The following TDG variants were observed in gnomAD, a reference collection of about 807,000 sequenced individuals.
TDG encodes the protein G/T mismatch-specific thymine DNA glycosylase.
A neutral mutation model predicts 46.1 loss-of-function variants in TDG; 23 were observed. That is an observed-to-expected ratio of 0.50 (90% CI 0.36 to 0.71). The LOEUF (loss-of-function observed/expected upper bound fraction) is 0.71. Among genes scored for constraint, TDG ranks in the 30% least tolerant of loss-of-function variants. The pLI is 0.00. For synonymous variants in TDG, 115 were observed against 161.3 expected, an observed-to-expected ratio of 0.71 and a Z score of 2.18; for missense variants, 304 against 486.7, an observed-to-expected ratio of 0.62 and a Z score of 3.53.
rs181377876 is a variant in TDG at position 103,984,163 on chromosome 12, T to G, written c.793-586T>G. On this transcript the variant is annotated intron_variant, in intron 7 of 9. Coordinates refer to ENST00000392872, the MANE Select transcript of TDG (RefSeq NM_003211.6). ...TCATAATTTCTTATAAATATGCAAT[T>G]GATGAGTTTTATTATAGCATTGGTT... is the stretch of plus-strand genomic sequence containing the variant. 1.8e-4 allele frequency among the ~76,000 whole-genome samples: 27 copies of G among 152,382 alleles called. 1 individual carries two copies. Among genetic ancestry groups the G allele is most frequent in the African/African-American group, 6.5e-4 (27 of 41,600 alleles).
At position 103,983,335 on chromosome 12, in the gene TDG, G is replaced by C; in HGVS notation, c.738G>C (p.Lys246Asn). 6.3e-7 allele frequency: 1 copy of C among 1,597,508 alleles called. No homozygotes were observed. The highest frequency in any genetic ancestry group is 1.2e-5 in the South Asian group (1 of 86,926). ...TTAGTAAAGAAGTTTTTGGAGTAAA[G>C]GTTAAGAACTTGGAATTTGGGCTTC... ...EIFSKEVFGV[K>N]VKNLEFGLQP... Residue 246 changes from lysine to asparagine, a missense_variant, in exon 7 of 10, where the codon AAG (lysine) becomes AAC (asparagine). Lys to Asn is a moderately conservative substitution (Grantham distance 94). Coordinates refer to ENST00000392872, the MANE Select transcript of TDG (RefSeq NM_003211.6).
intron 1 of TDG, among the ~76,000 whole-genome samples, chr12:103,973,885 T>A (rs1334822831): frequency 6.6e-6 from 1 of 152,260 alleles, no homozygotes; most frequent in Non-Finnish European, 1.5e-5. Context: ...TATTTTCTCA[T>A]GTTAATGTAT....
In TDG at chr12:103,967,530, C is replaced by A. The variant is rs978085055; in HGVS notation, c.23+1470C>A. Among the ~76,000 whole-genome samples, 3 of 147,098 alleles carry A rather than the reference C, an allele frequency of 2.0e-5. No homozygotes were observed. In the Admixed American group the frequency reaches 2.1e-4, roughly 10 times the overall value. On this transcript the variant is annotated intron_variant, in intron 1 of 9. Coordinates refer to ENST00000392872, the MANE Select transcript of TDG (RefSeq NM_003211.6). ...TGGAGTGCAGTGGCGGATCTTGGCTCACTGCAACCTCCATCACCCGGGTTC... is the reference window on the plus strand; with the variant it reads ...TGGAGTGCAGTGGCGGATCTTGGCTAACTGCAACCTCCATCACCCGGGTTC...
rs376531574 is a variant in TDG at position 103,985,635 on chromosome 12, A to G, written c.997A>G (p.Lys333Glu). 3.1e-6 allele frequency: 5 copies of G among 1,614,126 alleles called. No homozygotes were observed. The highest frequency in any genetic ancestry group is 4.2e-6 in the Non-Finnish European group (5 of 1,179,936). Residue 333 changes from lysine (K) to glutamate (E), a missense_variant, in exon 9 of 10, where the codon AAA (lysine) becomes GAA (glutamate). By Grantham distance (56) the Lys-to-Glu change is moderately conservative (BLOSUM62 1). Coordinates refer to ENST00000392872, the MANE Select transcript of TDG (RefSeq NM_003211.6). ...DAKKMAVKEEKYDPGYEAAYG... is the reference protein window; with the variant it reads ...DAKKMAVKEEEYDPGYEAAYG... Reference sequence around the variant, plus strand: ...AAAGAAGATGGCTGTTAAGGAAGAAAAATATGATCCAGGTTATGAGGCAGC... The same window carrying G: ...AAAGAAGATGGCTGTTAAGGAAGAAGAATATGATCCAGGTTATGAGGCAGC...
intron 1 of TDG, among the ~76,000 whole-genome samples, chr12:103,968,651 C>G (rs1160921841): frequency 6.6e-6 from 1 of 152,164 alleles, no homozygotes; most frequent in Non-Finnish European, 1.5e-5. Flanking sequence ...TATGCCTTGG[C>G]CTGCGTGTGT....
chr12:103,975,842 A>G (rs1338263601), intron 1 of TDG, among the ~76,000 whole-genome samples: 1 of 150,818 alleles, frequency 6.6e-6, no homozygotes, highest in Non-Finnish European at 1.5e-5. Flanking sequence ...TTATATTTTT[A>G]GTAGAGGCGG....
At chr12:103,982,652 C>A in intron 4 of TDG, 147 bp from the exon 5 acceptor site, 1 of 659,742 alleles carries the variant, frequency 1.5e-6, no homozygotes, top group Non-Finnish European at 2.5e-6. Flanking sequence ...GGGGTTCCAG[C>A]CACTCAGGAG....
chr12:103,967,569 G>A (rs4135045), intron 1 of TDG, among the ~76,000 whole-genome samples: 1 of 148,138 alleles, frequency 6.8e-6, no homozygotes, highest in African/African-American at 2.5e-5. Context: ...CGATTCTCCC[G>A]CTGCAGCCTC....
intron 1 of TDG, chr12:103,973,093 T>TTTTTTTG: frequency 1.4e-6 from 1 of 690,002 alleles, no homozygotes; most frequent in Non-Finnish European, 2.6e-6. Flanking sequence ...TACATTTTTT[T>TTTTTTTG]TTTTTTTTGA....
At position 103,987,896 on chromosome 12, in the gene TDG, G is replaced by A. The variant is rs1303711944; in HGVS notation, c.*806G>A. On this transcript the variant is annotated 3_prime_UTR_variant, in exon 10 of 10. Transcript: ENST00000392872. ...TTCCTTGGCTTTAAGAGTGTGCCAT[G>A]GAAAGTGATAAGAAATGAACTTCTA... 3 of 152,714 alleles carry A rather than the reference G, an allele frequency of 2.0e-5. No homozygotes were observed. Among genetic ancestry groups the A allele is most frequent in the African/African-American group, 7.2e-5 (3 of 41,578 alleles). 9.5% of individuals were successfully genotyped at this position (152,714 alleles called of 1,614,324 possible). A position where few individuals can be genotyped will look rare whatever the true frequency, so the allele number is the denominator to read the frequency against.
chr12:103,974,993 A>G (rs1258566146), intron 1 of TDG, among the ~76,000 whole-genome samples: 1 of 86,998 alleles, frequency 1.1e-5, no homozygotes, highest in African/African-American at 3.5e-5. Flanking sequence ...AAAAAAAAAA[A>G]GAAAAAGAAA....
chr12:103,976,905 A>C lies in TDG; in HGVS notation c.24-13A>C, dbSNP rs1323807631. On this transcript the variant is annotated splice_polypyrimidine_tract_variant and intron_variant, in intron 1 of 9. Transcript: ENST00000392872. ...ATTTTATCATTACATCTCATGCTTCATTATTCTTTCAGCTATTCCCTTCAG... is the reference window on the plus strand; with the variant it reads ...ATTTTATCATTACATCTCATGCTTCCTTATTCTTTCAGCTATTCCCTTCAG... 1.2e-6 allele frequency: 2 copies of C among 1,611,954 alleles called. No homozygotes were observed. The highest frequency in any genetic ancestry group is 3.4e-5 in the Admixed American group (2 of 59,434).
At chr12:103,986,740 G>A (rs1181291668) in intron 9 of TDG, 4 of 470,758 alleles carry the variant, frequency 8.5e-6, no homozygotes, top group Non-Finnish European at 1.1e-5. Flanking sequence ...CTTCAAATAA[G>A]CTGATACGGT....
intron 1 of TDG, 61 bp downstream of exon 1, chr12:103,966,121 G>A: frequency 7.7e-7 from 1 of 1,295,200 alleles, no homozygotes; most frequent in Non-Finnish European, 1.0e-6. Flanking sequence ...AGGCTGGCTG[G>A]CGCGCGCGCG....
intron 9 of TDG, chr12:103,986,718 GA>G (rs888989922): frequency 4.8e-3 from 1,596 of 335,654 alleles, no homozygotes; most frequent in Middle Eastern, 8.2e-3. Flanking sequence ...GTCTCAAAAA[GA>G]AAAAAAAAAA....
Position 103,986,959 on chromosome 12 carries a change from G to A in TDG, c.1102G>A (p.Glu368Lys), listed in dbSNP as rs936767939. 55 of 1,614,040 alleles carry A rather than the reference G, an allele frequency of 3.4e-5. No homozygotes were observed. The highest frequency in any genetic ancestry group is 4.7e-5 in the Non-Finnish European group (55 of 1,180,022). The change falls in exon 10 of 10, where the codon GAG (glutamate) becomes AAG (lysine). Residue 368 changes from glutamate to lysine, a missense_variant. By Grantham distance (56) the Glu-to-Lys change is moderately conservative (BLOSUM62 1). Transcript: ENST00000392872. The stretch of plus-strand genomic sequence containing the variant: ...TTCTTTTCTGGCAGTTGAGAGCGTG[G>A]AGTTAAGAGGAGAATCAGCTTTCAG... ...FSSNGLIESV[E>K]LRGESAFSGI...
At chr12:103,967,456 C>CTTTT (rs35778626) in intron 1 of TDG, among the ~76,000 whole-genome samples, 1 of 121,368 alleles carries the variant, frequency 8.2e-6, no homozygotes, top group Non-Finnish European at 1.7e-5. Context: ...AATAAATTTA[C>CTTTT]TTTTTTTTTT....
chr12:103,968,039 A>C lies in TDG; in HGVS notation c.23+1979A>C, dbSNP rs1871133126. On this transcript the variant is annotated intron_variant, in intron 1 of 9. Coordinates refer to ENST00000392872, the MANE Select transcript of TDG (RefSeq NM_003211.6). ...GAGACGAGGTTTCACCATTTTGGCC[A>C]GGCGGGTCTTGAACTCCTGGCTTCA... The C allele has an allele frequency of 2.1e-5, 3 of 139,584 alleles. 1 individual carries two copies. The South Asian group carries it at 6.6e-4, about 31-fold the overall frequency. The allele number at this position is 139,584 out of a possible 1,614,324, so 8.6% of individuals were successfully genotyped here.
intron 4 of TDG, among the ~76,000 whole-genome samples, chr12:103,982,490 A>G (rs2722180): frequency 0.9 from 136,640 of 152,238 alleles, 61,417 homozygotes; most frequent in East Asian, 1. Flanking sequence ...ATTAAATCCA[A>G]GCGCTGTGGC....
Sources: allele counts gnomAD v4.1 joint callset (sites outside exome capture counted in the v4.1 genomes callset), GRCh38; gene constraint gnomAD v4.1.1; transcripts MANE v1.5; gene names NCBI Gene and HGNC (gene_info 2026-07-23, HGNC 2026-07-21).